Variants in OTUD7A observed in about 807,000 individuals in gnomAD.
OTUD7A encodes OTU domain-containing protein 7A.
Under a neutral mutation model 65.7 loss-of-function variants are expected in OTUD7A, and 12 were observed. That is an observed-to-expected ratio of 0.18 (90% CI 0.12 to 0.30). OTUD7A has a LOEUF of 0.30. Ranked by LOEUF, OTUD7A falls within the 10% of genes least tolerant of loss-of-function variation. The pLI is 1.00. For synonymous variants in OTUD7A, 641 were observed against 586.3 expected (o/e 1.09, Z -1.35); for missense variants, 1,148 against 1,304.8 (o/e 0.88, Z 1.85).
At chr15:31,647,673 C>G (rs1366150648) in intron 3 of OTUD7A, among the ~76,000 whole-genome samples, 1 of 152,052 alleles carries the variant, frequency 6.6e-6, no homozygotes, top group Admixed American at 6.6e-5. Context: ...CACTATATAA[C>G]TTATTTCCAT....
chr15:31,509,946 CT>C (rs200196473), intron 8 of OTUD7A, among the ~76,000 whole-genome samples: 4 of 143,158 alleles, frequency 2.8e-5, no homozygotes, highest in East Asian at 2.1e-4. Context: ...CTTTATTTTC[CT>C]TTTTTTTTAA....
intron 1 of OTUD7A, among the ~76,000 whole-genome samples, chr15:31,799,270 A>G (rs1896056558): frequency 6.6e-6 from 1 of 152,168 alleles, no homozygotes; most frequent in South Asian, 2.1e-4. Context: ...CCCCAGAATA[A>G]CACAGTTTCA....
At chr15:31,719,110 A>G (rs974857562) in intron 1 of OTUD7A, among the ~76,000 whole-genome samples, 3 of 152,078 alleles carry the variant, frequency 2.0e-5, no homozygotes, top group Admixed American at 1.3e-4. Flanking sequence ...TTAGAGACAG[A>G]GTCTTATTCT....
rs150948272 is a variant in OTUD7A, at chr15:31,487,206, G to A, written c.1359C>T (p.Pro453=). The change falls in exon 12 of 13, where the codon CCC becomes CCT. Residue 453 remains proline, a synonymous_variant. Coordinates refer to ENST00000307050, the MANE Select transcript of OTUD7A (RefSeq NM_001382637.1). The surrounding 1 kb of genome is among the most constrained non-coding windows in gnomAD (Gnocchi z 6.0). ...CAGCCAGGCTCACCCGTGTCTCGGA[G>A]GGGATCCGGATCCACGTCACGTTCA... ...SYMNVTWIRI[P]SETRAPLAQP... 149 of 1,613,936 alleles carry A rather than the reference G, an allele frequency of 9.2e-5. 1 individual carries two copies. In the African/African-American group the frequency reaches 1.9e-3, roughly 20 times the overall value.
At chr15:31,763,965 A>G (rs963073768) in intron 1 of OTUD7A, among the ~76,000 whole-genome samples, 2 of 152,224 alleles carry the variant, frequency 1.3e-5, no homozygotes, top group Admixed American at 6.5e-5. Flanking sequence ...GGAAACAAAG[A>G]TATTCTCAGA....
chr15:31,659,091 T>G (rs1335595621), intron 1 of OTUD7A, among the ~76,000 whole-genome samples: 1 of 151,062 alleles, frequency 6.6e-6, no homozygotes, highest in African/African-American at 2.4e-5. Flanking sequence ...AAAATAAAAT[T>G]AAAACTTCTG....
At chr15:31,585,471 A>G (rs12050886) in intron 3 of OTUD7A, among the ~76,000 whole-genome samples, 49,899 of 152,188 alleles carry the variant, frequency 0.33, 10,717 homozygotes, top group African/African-American at 0.61. Context: ...GTCATGCTGC[A>G]CCCAGGAGAA....
rs1888677441 is a variant in OTUD7A, at chr15:31,561,227, G to T, written c.332-2040C>A. Among the ~76,000 whole-genome samples the T allele has an allele frequency of 3.3e-5, 5 of 151,758 alleles. No individual in the cohort carries two copies. In the South Asian group the frequency reaches 1.0e-3, roughly 31 times the overall value. ...GGGAGGGAGCACATGGGCCCAGCTT[G>T]GGTGGTGGGGGACGGCCCATTGCTT... On this transcript the variant is annotated intron_variant, in intron 4 of 12. Transcript: ENST00000307050.
rs541568857 is a variant in OTUD7A, at chr15:31,482,027, T to C, written c.*1267A>G. On this transcript the variant is annotated 3_prime_UTR_variant, in exon 13 of 13. Transcript: ENST00000307050. ...AGGCAGATTTAGCTCCTCAGTGTCC[T>C]TGGCCAAGAACGGTGTTCTCCGGAG... The C allele has an allele frequency of 6.6e-6, 1 of 152,376 alleles. No homozygotes were observed. The highest frequency in any genetic ancestry group is 1.5e-5 in the Non-Finnish European group (1 of 68,044). 9.4% of individuals were successfully genotyped at this position (152,376 alleles called of 1,614,324 possible).
chr15:31,501,527 T>G (rs1207485531), intron 10 of OTUD7A, among the ~76,000 whole-genome samples, 163 bp downstream of exon 10: 1 of 152,210 alleles, frequency 6.6e-6, no homozygotes, highest in Non-Finnish European at 1.5e-5. Context: ...CGTTCACACA[T>G]GCATAAGGTA....
chr15:31,527,103 CA>C, intron 7 of OTUD7A, 77 bp downstream of exon 7: 1 of 1,574,858 alleles, frequency 6.3e-7, no homozygotes, highest in Non-Finnish European at 8.6e-7. Flanking sequence ...GCCTGGAGGC[CA>C]TGCTGTGGAC....
intron 3 of OTUD7A, among the ~76,000 whole-genome samples, chr15:31,592,068 C>G (rs1208117538): frequency 6.6e-6 from 1 of 152,144 alleles, no homozygotes; most frequent in African/African-American, 2.4e-5. Flanking sequence ...AGGGCACTTA[C>G]CATGAATGGA....
At chr15:31,655,962 C>A (rs1393586459) in intron 2 of OTUD7A, among the ~76,000 whole-genome samples, 1 of 152,164 alleles carries the variant, frequency 6.6e-6, no homozygotes, top group African/African-American at 2.4e-5. Context: ...CATCCTACCC[C>A]CTCAGCTCTC....
chr15:31,509,337 G>T (rs1010066431), intron 8 of OTUD7A, among the ~76,000 whole-genome samples: 1 of 151,760 alleles, frequency 6.6e-6, no homozygotes. Flanking sequence ...GGAGTGCAGT[G>T]GTGCGATCTC....
intron 1 of OTUD7A, among the ~76,000 whole-genome samples, chr15:31,793,649 CTTAATGG>C (rs1280700425): frequency 2.7e-4 from 41 of 152,374 alleles, no homozygotes; most frequent in African/African-American, 9.6e-4. Flanking sequence ...CAGTGGAAGG[CTTAATGG>C]AAGGAGATGT....
At chr15:31,540,378 G>A (rs751089221) in intron 5 of OTUD7A, among the ~76,000 whole-genome samples, 50 of 152,150 alleles carry the variant, frequency 3.3e-4, no homozygotes, top group Non-Finnish European at 2.5e-4. Flanking sequence ...GTGGGCTTTG[G>A]AACACCTACC....
chr15:31,855,402 A>C (rs939621638), intron 1 of OTUD7A, among the ~76,000 whole-genome samples: 2 of 152,214 alleles, frequency 1.3e-5, no homozygotes, highest in Non-Finnish European at 2.9e-5. Context: ...AGAATTCTTC[A>C]AGTTTGAGTG....
chr15:31,726,845 G>T (rs181568555), intron 1 of OTUD7A, among the ~76,000 whole-genome samples: 185 of 152,328 alleles, frequency 1.2e-3, no homozygotes, highest in Non-Finnish European at 1.9e-3. Flanking sequence ...TCCTGCATGG[G>T]TCAATTTCTA....
chr15:31,759,072 T>C (rs1368043934), intron 1 of OTUD7A, among the ~76,000 whole-genome samples: 2 of 152,212 alleles, frequency 1.3e-5, no homozygotes, highest in Non-Finnish European at 2.9e-5. Flanking sequence ...CTAAGATTGC[T>C]ATAACCCTCC....
Sources: allele counts gnomAD v4.1 joint callset (sites outside exome capture counted in the v4.1 genomes callset), GRCh38; gene constraint gnomAD v4.1.1; non-coding constraint Gnocchi (gnomAD v3.1); transcripts MANE v1.5; gene names NCBI Gene and HGNC (gene_info 2026-07-23, HGNC 2026-07-21).